Variants in HIVEP3 observed in about 807,000 individuals in gnomAD.
HIVEP3 encodes HIVEP zinc finger 3, also known as transcription factor HIVEP3.
Under a neutral mutation model 152.8 loss-of-function variants are expected in HIVEP3, and 49 were observed. The observed-to-expected ratio is 0.32, with a 90% CI of 0.26 to 0.41. The LOEUF (loss-of-function observed/expected upper bound fraction) is 0.41. Ranked by LOEUF, HIVEP3 falls within the 10% of genes least tolerant of loss-of-function variation. The probability of loss-of-function intolerance (pLI) is 1.00; values close to 1 mark genes in which losing one functional copy is unlikely to be tolerated. For missense variants in HIVEP3, 2,790 were observed against 3,103.3 expected, an observed-to-expected ratio of 0.90 and a Z score of 2.40; for synonymous variants, 1,269 against 1,289.0, an observed-to-expected ratio of 0.98 and a Z score of 0.33.
At chr1:41,563,686 A>G (rs899675933) in intron 5 of HIVEP3, among the ~76,000 whole-genome samples, 1 of 152,216 alleles carries the variant, frequency 6.6e-6, no homozygotes, top group Non-Finnish European at 1.5e-5. Flanking sequence ...AAAGGCTATC[A>G]GATGTCTGAG....
intron 1 of HIVEP3, among the ~76,000 whole-genome samples, chr1:41,872,866 C>A (rs915467589): frequency 2.6e-5 from 4 of 152,218 alleles, no homozygotes; most frequent in Non-Finnish European, 4.4e-5. Flanking sequence ...CATCCACGTA[C>A]AAGTCTTCCA....
upstream of HIVEP3, among the ~76,000 whole-genome samples, chr1:41,923,691 T>C (rs1644952833): frequency 2.0e-5 from 3 of 152,224 alleles, 1 homozygote; most frequent in South Asian, 6.2e-4. Context: ...GTGATTAATA[T>C]GCTAATTAGC....
At chr1:41,654,356 A>G (rs951489365) in intron 2 of HIVEP3, among the ~76,000 whole-genome samples, 1 of 152,194 alleles carries the variant, frequency 6.6e-6, no homozygotes, top group Admixed American at 6.5e-5. Context: ...GTTGCTTAGG[A>G]TGACCAGTAA....
At chr1:41,757,106 T>C (rs1206506714) in intron 1 of HIVEP3, among the ~76,000 whole-genome samples, 1 of 146,516 alleles carries the variant, frequency 6.8e-6, no homozygotes, top group Non-Finnish European at 1.5e-5. Flanking sequence ...TTATTATTAT[T>C]ATTATTATTA....
chr1:41,929,267 C>T (rs1463259611), intron 1 of HIVEP3, among the ~76,000 whole-genome samples: 2 of 152,170 alleles, frequency 1.3e-5, no homozygotes, highest in South Asian at 2.1e-4. Context: ...TTTATCAAAA[C>T]AGACTCATGG....
At chr1:41,772,675 C>T (rs1273218998) in intron 1 of HIVEP3, among the ~76,000 whole-genome samples, 2 of 152,066 alleles carry the variant, frequency 1.3e-5, no homozygotes, top group African/African-American at 2.4e-5. Flanking sequence ...TTTGGGAGGC[C>T]GAGGTAGGTG....
intron 1 of HIVEP3, among the ~76,000 whole-genome samples, chr1:41,856,356 A>T (rs1407870377): frequency 6.6e-6 from 1 of 152,212 alleles, no homozygotes; most frequent in African/African-American, 2.4e-5. Flanking sequence ...TCAAGATGCC[A>T]AGCGGTGGGC....
chr1:41,966,472 A>ATTATTTTTTTTTTTT (rs1217444785), intron 1 of HIVEP3, among the ~76,000 whole-genome samples: 1 of 46,546 alleles, frequency 2.1e-5, no homozygotes. Flanking sequence ...AGTGTGCTGT[A>ATTATTTTTTTTTTTT]TTCTTTTTTT....
rs115439970 is a variant in HIVEP3, at chr1:41,586,613, G to A, written c.-521-1295C>T. ...GCTCACACTCTTCGTTTCACTAGGT[G>A]TGTGATGATACAGACTTGAAAATGC... On this transcript the variant is annotated intron_variant, in intron 3 of 8. Transcript: ENST00000372583. Among the ~76,000 whole-genome samples, 1,389 of 152,282 alleles carry A rather than the reference G, an allele frequency of 9.1e-3. 23 individuals carry two copies. Among genetic ancestry groups the A allele is most frequent in the African/African-American group, 0.032 (1,328 of 41,576 alleles).
intron 1 of HIVEP3, among the ~76,000 whole-genome samples, chr1:41,738,816 C>T (rs554895387): frequency 6.6e-6 from 1 of 152,328 alleles, no homozygotes; most frequent in Non-Finnish European, 1.5e-5. Flanking sequence ...AAATGCCCGC[C>T]TCCCTGTCTG....
At chr1:42,031,623 G>A (rs142337986) in intron 1 of HIVEP3, among the ~76,000 whole-genome samples, 1 of 152,266 alleles carries the variant, frequency 6.6e-6, no homozygotes, top group Non-Finnish European at 1.5e-5. Flanking sequence ...GTATTGTCAA[G>A]TGTTTCCTGA....
chr1:41,888,037 C>CTTT (rs759423194), intron 1 of HIVEP3, among the ~76,000 whole-genome samples: 6 of 121,290 alleles, frequency 4.9e-5, no homozygotes, highest in Non-Finnish European at 8.9e-5. Flanking sequence ...CCCAGCTGAA[C>CTTT]TTTTTTTTTT....
At chr1:41,695,185 G>A (rs1437099972) in intron 2 of HIVEP3, among the ~76,000 whole-genome samples, 1 of 152,202 alleles carries the variant, frequency 6.6e-6, no homozygotes, top group Non-Finnish European at 1.5e-5. Flanking sequence ...GGGGAGTGGA[G>A]GTATGGGGGA....
chr1:41,901,756 A>G lies in HIVEP3; in HGVS notation c.-801+16657T>C, dbSNP rs149258510. Among the ~76,000 whole-genome samples, 733 of 152,270 alleles carry G rather than the reference A, an allele frequency of 4.8e-3. 9 individuals are homozygous for G. The highest frequency in any genetic ancestry group is 0.017 in the African/African-American group (707 of 41,548). On this transcript the variant is annotated intron_variant, in intron 1 of 8. Coordinates refer to ENST00000372583, the MANE Select transcript of HIVEP3 (RefSeq NM_024503.5). The stretch of plus-strand genomic sequence containing the variant: ...TGAAGCGGAGGAGGGAGGTGACACC[A>G]TGCACACAGCCCAGGAGGCTGCCTC...
intron 1 of HIVEP3, among the ~76,000 whole-genome samples, chr1:41,827,789 A>G (rs1642846459): frequency 6.6e-6 from 1 of 152,182 alleles, no homozygotes; most frequent in Non-Finnish European, 1.5e-5. Flanking sequence ...TCATTGATCC[A>G]AATTCACTGG....
intron 2 of HIVEP3, among the ~76,000 whole-genome samples, chr1:41,660,427 T>A (rs1287521378): frequency 6.6e-6 from 1 of 152,224 alleles, no homozygotes; most frequent in Non-Finnish European, 1.5e-5. Flanking sequence ...ATTCTCAACT[T>A]CTGGATGTCA....
chr1:41,580,682 A>T lies in HIVEP3; in HGVS notation c.4116T>A (p.Asp1372Glu). 1 of 1,612,038 alleles carries T rather than the reference A, an allele frequency of 6.2e-7. No individual in the cohort carries two copies. The highest frequency in any genetic ancestry group is 8.5e-7 in the Non-Finnish European group (1 of 1,178,948). ...AAGGGCCGGGCCCAACCTCATGCAC[A>T]TCTGCACCACATACAGTCGTCCCCT... ...PSKGTTVCGA[D>E]VHEVGPGPSG... The change falls in exon 4 of 9, where the codon GAT becomes GAA. Residue 1372 changes from aspartate to glutamate, a missense_variant. Coordinates refer to ENST00000372583, the MANE Select transcript of HIVEP3 (RefSeq NM_024503.5).
At chr1:42,012,675 G>A (rs927419297) in intron 1 of HIVEP3, among the ~76,000 whole-genome samples, 1 of 145,872 alleles carries the variant, frequency 6.9e-6, no homozygotes, top group Non-Finnish European at 1.5e-5. Context: ...GGGAGACAGG[G>A]CGAGACTCCC....
chr1:41,860,505 G>A (rs1200391941), intron 1 of HIVEP3, among the ~76,000 whole-genome samples: 2 of 152,160 alleles, frequency 1.3e-5, no homozygotes, highest in Non-Finnish European at 2.9e-5. Flanking sequence ...CTCCTGAGCT[G>A]GTCAAAACCC....
Sources: gnomAD v4.1 joint callset for allele counts (sites outside exome capture counted in the v4.1 genomes callset) on GRCh38, gnomAD v4.1.1 for gene constraint, MANE v1.5 for transcripts, NCBI Gene and HGNC (gene_info 2026-07-23, HGNC 2026-07-21) for gene names.